VKORC1L1: variants seen among roughly 807,000 people sequenced by gnomAD.
VKORC1L1 encodes the protein vitamin K epoxide reductase complex subunit 1-like protein 1.
Under a neutral mutation model 18.9 loss-of-function variants are expected in VKORC1L1, and 2 were observed. That is an observed-to-expected ratio of 0.11 (90% CI 0.04 to 0.33). VKORC1L1 has a LOEUF of 0.33. VKORC1L1 is among the 10% of genes least tolerant of loss of function. The pLI, the probability that VKORC1L1 is intolerant of heterozygous loss-of-function variation, is 1.00. For synonymous variants in VKORC1L1, 96 were observed against 100.0 expected, an observed-to-expected ratio of 0.96 and a Z score of 0.24; for missense variants, 123 against 224.1, an observed-to-expected ratio of 0.55 and a Z score of 2.88.
chr7:65,924,717 C>T (rs770697981), intron 1 of VKORC1L1, among the ~76,000 whole-genome samples: 37 of 152,132 alleles, frequency 2.4e-4, no homozygotes, highest in Non-Finnish European at 4.7e-4. Context: ...TTATGTGACA[C>T]GTGGTCTTCA....
chr7:65,928,857 G>GT (rs1474034487), intron 1 of VKORC1L1, among the ~76,000 whole-genome samples: 12 of 152,214 alleles, frequency 7.9e-5, no homozygotes, highest in African/African-American at 2.9e-4. Context: ...CACCAGCAAT[G>GT]TGTGAGAGTT....
chr7:65,912,264 C>T (rs1459562832), intron 1 of VKORC1L1, among the ~76,000 whole-genome samples: 1 of 152,180 alleles, frequency 6.6e-6, no homozygotes, highest in Non-Finnish European at 1.5e-5. Flanking sequence ...ATGAGCTGTG[C>T]GTAAATGTTT....
intron 1 of VKORC1L1, among the ~76,000 whole-genome samples, chr7:65,943,897 T>C (rs1416950853): frequency 2.0e-5 from 3 of 152,196 alleles, no homozygotes; most frequent in Non-Finnish European, 4.4e-5. Context: ...GGCATATTTA[T>C]TAGTAACAAA....
At chr7:65,908,836 C>A (rs201810821) in intron 1 of VKORC1L1, among the ~76,000 whole-genome samples, 1,500 of 104,544 alleles carry the variant, frequency 0.014, 1 homozygote, top group Middle Eastern at 0.025. Context: ...GACTCCATCT[C>A]AAAAAAAAAA....
At chr7:65,879,237 C>T (rs919573695) in intron 1 of VKORC1L1, among the ~76,000 whole-genome samples, 13 of 151,880 alleles carry the variant, frequency 8.6e-5, no homozygotes, top group African/African-American at 1.5e-4. Context: ...ACTGCTAGTA[C>T]GTAAAAGAGA....
At chr7:65,870,661 T>C (rs1048921259), upstream of VKORC1L1, among the ~76,000 whole-genome samples, 5 of 152,208 alleles carry the variant, frequency 3.3e-5, no homozygotes, top group Non-Finnish European at 7.3e-5. Context: ...GACCTATTGA[T>C]GAAAGAAGCC....
At chr7:65,884,254 C>G (rs1197659039) in intron 1 of VKORC1L1, among the ~76,000 whole-genome samples, 1 of 152,104 alleles carries the variant, frequency 6.6e-6, no homozygotes, top group Non-Finnish European at 1.5e-5. Flanking sequence ...GTAAATAGTC[C>G]TGGTGTCTGG....
intron 1 of VKORC1L1, among the ~76,000 whole-genome samples, chr7:65,888,689 G>C (rs1789055610): frequency 6.6e-6 from 1 of 152,172 alleles, no homozygotes; most frequent in Admixed American, 6.5e-5. Flanking sequence ...TCACATGAAA[G>C]AAGCAGACAA....
intron 1 of VKORC1L1, among the ~76,000 whole-genome samples, chr7:65,934,138 G>A (rs541239435): frequency 6.6e-6 from 1 of 152,238 alleles, no homozygotes; most frequent in South Asian, 2.1e-4. Flanking sequence ...GCTCATGCCT[G>A]TAATCCCAGC....
chr7:65,954,370 T>C lies in VKORC1L1; in HGVS notation c.*70T>C. 1 of 1,469,760 alleles carries C rather than the reference T, an allele frequency of 6.8e-7. No homozygotes were observed. Among genetic ancestry groups the C allele is most frequent in the South Asian group, 1.4e-5 (1 of 71,756 alleles). 91.0% of individuals were successfully genotyped at this position (1,469,760 alleles called of 1,614,324 possible). A position where few individuals can be genotyped will look rare whatever the true frequency, so the allele number is the denominator to read the frequency against. ...CAGTTTATTTTGCAGCAGGTTTTTATTATTATTATTATTATTATTATTCAC... is the reference window on the plus strand; with the variant it reads ...CAGTTTATTTTGCAGCAGGTTTTTACTATTATTATTATTATTATTATTCAC... On this transcript the variant is annotated 3_prime_UTR_variant, in exon 3 of 3. Coordinates refer to ENST00000360768, the MANE Select transcript of VKORC1L1 (RefSeq NM_173517.6).
chr7:65,913,178 T>A (rs1321993565), intron 1 of VKORC1L1, among the ~76,000 whole-genome samples: 1 of 152,232 alleles, frequency 6.6e-6, no homozygotes, highest in East Asian at 1.9e-4. Context: ...TATGAAAAAT[T>A]GAATTTTTAT....
intron 2 of VKORC1L1, among the ~76,000 whole-genome samples, chr7:65,952,404 C>T (rs901801244): frequency 8.5e-5 from 13 of 152,330 alleles, no homozygotes; most frequent in African/African-American, 3.1e-4. Flanking sequence ...AAGCAGGTAG[C>T]TGGCCAGATT....
At chr7:65,913,369 T>C (rs1789533676) in intron 1 of VKORC1L1, among the ~76,000 whole-genome samples, 1 of 151,860 alleles carries the variant, frequency 6.6e-6, no homozygotes, top group Non-Finnish European at 1.5e-5. Flanking sequence ...ACTACAGCAG[T>C]CAAATAGGAG....
chr7:65,865,843 CT>C, the VKORC1L1 span, among the ~76,000 whole-genome samples: 282 of 151,900 alleles, frequency 1.9e-3, 3 homozygotes, highest in African/African-American at 6.6e-3. Context: ...TATTCCTGGC[CT>C]GCCACCGTGG....
chr7:65,883,282 C>G (rs1310769182), intron 1 of VKORC1L1, among the ~76,000 whole-genome samples: 1 of 151,496 alleles, frequency 6.6e-6, no homozygotes, highest in African/African-American at 2.4e-5. Context: ...GCTGGAACTA[C>G]AGGCATGTGC....
At chr7:65,901,321 G>A (rs1157466115) in intron 1 of VKORC1L1, among the ~76,000 whole-genome samples, 1 of 152,158 alleles carries the variant, frequency 6.6e-6, no homozygotes, top group Non-Finnish European at 1.5e-5. Context: ...ATGAGCCAAT[G>A]CACTCCAGCC....
At chr7:65,881,279 G>GT (rs1213628991) in intron 1 of VKORC1L1, among the ~76,000 whole-genome samples, 1 of 152,134 alleles carries the variant, frequency 6.6e-6, no homozygotes, top group Non-Finnish European at 1.5e-5. Context: ...TATTATAAAT[G>GT]TTTATACACA....
upstream of VKORC1L1, among the ~76,000 whole-genome samples, chr7:65,869,980 G>GTTT (rs201200192): frequency 1.4e-5 from 2 of 145,646 alleles, no homozygotes; most frequent in African/African-American, 5.0e-5. Flanking sequence ...AAAAGCTTTT[G>GTTT]TTTTTTTTTT....
chr7:65,922,325 G>C (rs374957253), intron 1 of VKORC1L1, among the ~76,000 whole-genome samples: 1 of 150,746 alleles, frequency 6.6e-6, no homozygotes, highest in Non-Finnish European at 1.5e-5. Context: ...ACCCAGGCTA[G>C]AGTGCAGTGC....
Sources: allele counts gnomAD v4.1 joint callset (sites outside exome capture counted in the v4.1 genomes callset), GRCh38; gene constraint gnomAD v4.1.1; transcripts MANE v1.5; gene names NCBI Gene and HGNC (gene_info 2026-07-23, HGNC 2026-07-21).